The following PCDH15 variants were observed in gnomAD, a reference collection of about 807,000 sequenced individuals.
The protein encoded by PCDH15 is protocadherin related 15, also known as protocadherin-15.
PCDH15 carries 129 observed loss-of-function variants against 178.5 expected under a neutral mutation model. That is an observed-to-expected ratio of 0.72 (90% CI 0.63 to 0.84). PCDH15 has a LOEUF of 0.84. PCDH15 is among the 40% of genes least tolerant of loss of function. The probability of loss-of-function intolerance (pLI) is 0.00; values close to 1 mark genes in which losing one functional copy is unlikely to be tolerated. For synonymous variants in PCDH15, 800 were observed against 732.0 expected (o/e 1.09, Z -1.50); for missense variants, 2,230 against 2,099.9 (o/e 1.06, Z -1.21).
intron 2 of PCDH15, chr10:54,606,978 G>T (rs1188370982): frequency 6.6e-6 from 1 of 151,968 alleles, no homozygotes; most frequent in Non-Finnish European, 1.5e-5. Flanking sequence ...TAAAACAAAG[G>T]CTAAATGGTG....
intron 3 of PCDH15, among the ~76,000 whole-genome samples, chr10:54,494,620 A>T (rs1326968167): frequency 1.3e-5 from 2 of 152,108 alleles, no homozygotes; most frequent in Non-Finnish European, 2.9e-5. Flanking sequence ...TTCATGCCAC[A>T]TATAACCTTA....
intron 2 of PCDH15, among the ~76,000 whole-genome samples, chr10:54,553,274 G>A (rs944459624): frequency 6.6e-6 from 1 of 152,150 alleles, no homozygotes; most frequent in Non-Finnish European, 1.5e-5. Context: ...TGTGTCTTAA[G>A]ATCCTTGACT....
At chr10:54,631,793 T>C (rs1565802667) in intron 2 of PCDH15, among the ~76,000 whole-genome samples, 1 of 152,040 alleles carries the variant, frequency 6.6e-6, no homozygotes, top group African/African-American at 2.4e-5. Flanking sequence ...GCGAGGCACC[T>C]TTTTCATAAG....
At chr10:54,953,770 A>G (rs941724220) in intron 2 of PCDH15, among the ~76,000 whole-genome samples, 1 of 151,322 alleles carries the variant, frequency 6.6e-6, no homozygotes, top group Non-Finnish European at 1.5e-5. Flanking sequence ...ATACTGGTAA[A>G]CCAATGCTTA....
At chr10:55,607,265 T>C in intron 2 of PCDH15, among the ~76,000 whole-genome samples, 1 of 151,686 alleles carries the variant, frequency 6.6e-6, no homozygotes, top group Non-Finnish European at 1.5e-5. Flanking sequence ...CTGGAGAGGA[T>C]GTGGAGAAAT....
chr10:55,269,290 G>A (rs1333181594), intron 1 of PCDH15, among the ~76,000 whole-genome samples: 1 of 147,220 alleles, frequency 6.8e-6, no homozygotes, highest in African/African-American at 2.6e-5. Context: ...AGAGCAATCA[G>A]GCAAGAGAAA....
At chr10:54,680,294 A>AT (rs1186700663) in intron 1 of PCDH15, among the ~76,000 whole-genome samples, 1 of 152,024 alleles carries the variant, frequency 6.6e-6, no homozygotes, top group African/African-American at 2.4e-5. Context: ...TTCTAAAATG[A>AT]TTTTTTGCAA....
intron 2 of PCDH15, among the ~76,000 whole-genome samples, chr10:54,559,074 C>T (rs1211446620): frequency 6.6e-6 from 1 of 152,030 alleles, no homozygotes. Flanking sequence ...GGGGAAGACA[C>T]ACGAAGGCCT....
chr10:55,448,083 A>G (rs886991796), intron 2 of PCDH15, among the ~76,000 whole-genome samples: 6 of 152,030 alleles, frequency 3.9e-5, no homozygotes, highest in African/African-American at 1.4e-4. Context: ...CTAAATCTGG[A>G]TACATATTAC....
intron 2 of PCDH15, among the ~76,000 whole-genome samples, chr10:55,588,283 C>G (rs766982529): frequency 2.0e-5 from 3 of 152,122 alleles, no homozygotes; most frequent in Non-Finnish European, 2.9e-5. Flanking sequence ...TTTTACTTAT[C>G]TGAATGGTAC....
At chr10:55,595,960 T>A (rs994208724) in intron 2 of PCDH15, among the ~76,000 whole-genome samples, 4 of 152,056 alleles carry the variant, frequency 2.6e-5, no homozygotes, top group African/African-American at 9.7e-5. Flanking sequence ...AAAGATTAGG[T>A]TGATAAATTA....
At chr10:54,291,994 C>T (rs547622463) in intron 8 of PCDH15, among the ~76,000 whole-genome samples, 57 of 152,258 alleles carry the variant, frequency 3.7e-4, no homozygotes, top group African/African-American at 1.3e-3. Context: ...ATCCTGATAC[C>T]AAAGCCTGGC....
At chr10:55,583,477 A>T (rs1470513073) in intron 2 of PCDH15, among the ~76,000 whole-genome samples, 3 of 152,164 alleles carry the variant, frequency 2.0e-5, no homozygotes, top group African/African-American at 7.2e-5. Context: ...TCTGTTGCCC[A>T]GGCTGCAGTG....
intron 18 of PCDH15, among the ~76,000 whole-genome samples, chr10:54,060,828 T>A: frequency 6.6e-6 from 1 of 152,192 alleles, no homozygotes; most frequent in Admixed American, 6.5e-5. Flanking sequence ...CATTAAAGTA[T>A]GTAAGGAGCA....
chr10:53,955,775 T>C (rs961697729), intron 23 of PCDH15, among the ~76,000 whole-genome samples: 1 of 152,182 alleles, frequency 6.6e-6, no homozygotes, highest in Non-Finnish European at 1.5e-5. Flanking sequence ...TAATCAAAAA[T>C]TAATAATGTC....
intron 1 of PCDH15, among the ~76,000 whole-genome samples, chr10:55,211,930 C>T (rs994086990): frequency 6.8e-6 from 1 of 146,838 alleles, no homozygotes; most frequent in African/African-American, 2.6e-5. Context: ...CAAAAAGCAG[C>T]CCCCCAAATA....
intron 2 of PCDH15, among the ~76,000 whole-genome samples, chr10:54,952,399 TG>T (rs1403885613): frequency 2.0e-5 from 3 of 151,868 alleles, no homozygotes; most frequent in African/African-American, 7.2e-5. Context: ...CTGTCGTGAT[TG>T]GTGTAGCTTT....
intron 21 of PCDH15, among the ~76,000 whole-genome samples, chr10:53,982,637 A>C (rs1442417309): frequency 7.7e-6 from 1 of 130,098 alleles, no homozygotes; most frequent in Non-Finnish European, 1.6e-5. Context: ...ACATGGACAC[A>C]GGAAGGGGAA....
At chr10:54,485,772 C>A (rs1425134015) in intron 3 of PCDH15, among the ~76,000 whole-genome samples, 1 of 151,978 alleles carries the variant, frequency 6.6e-6, no homozygotes, top group East Asian at 1.9e-4. Flanking sequence ...TGCGTGTGTG[C>A]AATTCACATT....
Sources: allele counts gnomAD v4.1 joint callset (sites outside exome capture counted in the v4.1 genomes callset), GRCh38; gene constraint gnomAD v4.1.1; transcripts MANE v1.5; gene names NCBI Gene and HGNC (gene_info 2026-07-23, HGNC 2026-07-21).